The following NLRC3 variants were observed in gnomAD, a reference collection of about 807,000 sequenced individuals.
NLRC3 encodes NLR family CARD domain-containing protein 3.
NLRC3 carries 87 observed loss-of-function variants against 91.6 expected under a neutral mutation model. The observed-to-expected ratio is 0.95, with a 90% CI of 0.80 to 1.14. The LOEUF is 1.14. NLRC3 is among the 50% of genes most tolerant of loss of function. The probability of loss-of-function intolerance (pLI) is 0.00; values close to 1 mark genes in which losing one functional copy is unlikely to be tolerated. For synonymous variants in NLRC3, 694 were observed against 625.3 expected (o/e 1.11, Z -1.64); for missense variants, 1,577 against 1,418.6 (o/e 1.11, Z -1.79).
At chr16:3,570,589 A>G (rs1003588050) in intron 1 of NLRC3, among the ~76,000 whole-genome samples, 4 of 152,130 alleles carry the variant, frequency 2.6e-5, no homozygotes, top group African/African-American at 9.7e-5. Flanking sequence ...GGGGAGGAGG[A>G]GCAGAGGTGG....
At chr16:3,559,631 C>CT (rs1261738397) in intron 6 of NLRC3, among the ~76,000 whole-genome samples, 99 of 141,924 alleles carry the variant, frequency 7.0e-4, no homozygotes, top group South Asian at 1.8e-3. Context: ...TTTTACTTTT[C>CT]TTTTTTTTTT....
chr16:3,557,570 C>T lies in NLRC3; in HGVS notation c.2099+23G>A, dbSNP rs141529483. The T allele has an allele frequency of 4.1e-4, 632 of 1,527,768 alleles. 3 individuals are homozygous for T. The highest frequency in any genetic ancestry group is 3.9e-3 in the Middle Eastern group (23 of 5,880). The allele number at this position is 1,527,768 out of a possible 1,614,324, so 94.6% of individuals were successfully genotyped here. On this transcript the variant is annotated intron_variant, in intron 7 of 19. Coordinates refer to ENST00000359128, the MANE Select transcript of NLRC3 (RefSeq NM_178844.4). ...TCTTCTGGTTCCAATGGCAAAAGTT[C>T]GGCCTTGGTTGTCCTTACTTACTCC...
chr16:3,549,107 A>T (rs2038857559), intron 13 of NLRC3, 35 bp downstream of exon 13: 2 of 1,469,640 alleles, frequency 1.4e-6, no homozygotes, highest in Non-Finnish European at 1.9e-6. Flanking sequence ...TCATGGCATG[A>T]ACAGCCTGTG....
At position 3,548,236 on chromosome 16, in the gene NLRC3, C is replaced by A; in HGVS notation, c.2688-18G>T. The A allele has an allele frequency of 6.3e-7, 1 of 1,577,170 alleles. No individual in the cohort carries two copies. Among genetic ancestry groups the A allele is most frequent in the Non-Finnish European group, 8.6e-7 (1 of 1,160,316 alleles). ...ACTGCAGGCTGGGCAGACACAGACA[C>A]ATGTGACTATGTGACTATGTGACTA... On this transcript the variant is annotated intron_variant, in intron 14 of 19. Coordinates refer to ENST00000359128, the MANE Select transcript of NLRC3 (RefSeq NM_178844.4).
At chr16:3,574,822 C>T (rs1430903724) in intron 1 of NLRC3, among the ~76,000 whole-genome samples, 3 of 151,966 alleles carry the variant, frequency 2.0e-5, no homozygotes, top group Admixed American at 6.6e-5. Context: ...ATTAGCTGGG[C>T]GTGGTGGTGG....
At position 3,541,909 on chromosome 16, in the gene NLRC3, C is replaced by T; in HGVS notation, c.3114G>A (p.Gln1038=). Residue 1038 remains glutamine, a synonymous_variant, in exon 20 of 20, where the codon CAG becomes CAA. Coordinates refer to ENST00000359128, the MANE Select transcript of NLRC3 (RefSeq NM_178844.4). ...CCCCGGAGTCCCCAATGTGGTTTCC[C>T]TGGAGACTAGAAGAGTAGGGTTAAG... The part of the protein sequence containing the change: ...GNHRLQHINL[Q]GNHIGDSGAR... The T allele has an allele frequency of 6.2e-7, 1 of 1,603,542 alleles. No homozygotes were observed. Among genetic ancestry groups the T allele is most frequent in the Non-Finnish European group, 8.5e-7 (1 of 1,171,756 alleles).
intron 13 of NLRC3, among the ~76,000 whole-genome samples, 190 bp from the exon 14 acceptor site, chr16:3,548,943 A>G (rs2038846290): frequency 6.6e-6 from 1 of 152,210 alleles, no homozygotes; most frequent in Admixed American, 6.5e-5. Context: ...AGACGGCGTC[A>G]CACTAGCCTC....
rs1349567367 is a variant in NLRC3, at chr16:3,539,988, A to T, written c.*1837T>A. 1 of 152,238 alleles carries T rather than the reference A, an allele frequency of 6.6e-6. No individual in the cohort carries two copies. The highest frequency in any genetic ancestry group is 1.5e-5 in the Non-Finnish European group (1 of 68,046). 9.4% of individuals were successfully genotyped at this position (152,238 alleles called of 1,614,324 possible). On this transcript the variant is annotated 3_prime_UTR_variant, in exon 20 of 20. Coordinates refer to ENST00000359128, the MANE Select transcript of NLRC3 (RefSeq NM_178844.4). ...TTTTTCTAATTGTTCTTTCATGATT[A>T]GAATCAGGCAAACATTTTTTGACAA...
rs77192550 is a variant in NLRC3, at chr16:3,559,318, T to A, written c.2016-1642A>T. ...CTACAGAGAGAGGTAAAGAAGAGCA[T>A]GTGGCCAGAGAAGAGATTTTTGGCT... is the stretch of plus-strand genomic sequence containing the variant. On this transcript the variant is annotated intron_variant, in intron 6 of 19. Coordinates refer to ENST00000359128, the MANE Select transcript of NLRC3 (RefSeq NM_178844.4). 9.3e-3 allele frequency among the ~76,000 whole-genome samples: 1,417 copies of A among 152,326 alleles called. 27 individuals carry two copies. Among genetic ancestry groups the A allele is most frequent in the African/African-American group, 0.032 (1,324 of 41,566 alleles).
chr16:3,548,317 A>G, intron 14 of NLRC3, 99 bp from the exon 15 acceptor site: 1 of 889,670 alleles, frequency 1.1e-6, no homozygotes, highest in Non-Finnish European at 1.8e-6. Context: ...GAATCCCTGC[A>G]GGATGTGGCA....
Position 3,563,248 on chromosome 16 carries a change from C to A in NLRC3, c.1689G>T (p.Arg563=). The A allele has an allele frequency of 6.2e-7, 1 of 1,606,392 alleles. No homozygotes were observed. Among genetic ancestry groups the A allele is most frequent in the Non-Finnish European group, 8.5e-7 (1 of 1,178,408 alleles). Residue 563 remains arginine, a synonymous_variant, in exon 5 of 20, where the codon CGG becomes CGT. Coordinates refer to ENST00000359128, the MANE Select transcript of NLRC3 (RefSeq NM_178844.4). ...CLRPDAAVCA[R]AINVLHCLHE... ...GCAGGCAGTGCAACACGTTGATGGC[C>A]CGTGCACAGACTGCGGCATCGGGGC...
At position 3,573,448 on chromosome 16, in the gene NLRC3, C is replaced by A. The variant is rs1044449590; in HGVS notation, c.-169+3701G>T. ...TCTCACACACACACACAAAAGCTAG[C>A]AATTATCTAAACATTCAAAGGTATG... On this transcript the variant is annotated intron_variant, in intron 1 of 19. Coordinates refer to ENST00000359128, the MANE Select transcript of NLRC3 (RefSeq NM_178844.4). Among the ~76,000 whole-genome samples, 5 of 152,226 alleles carry A rather than the reference C, an allele frequency of 3.3e-5. No individual in the cohort carries two copies. The South Asian group carries it at 1.0e-3, about 32-fold the overall frequency.
In NLRC3 at chr16:3,549,704, T is replaced by G; in HGVS notation, c.2512A>C (p.Ser838Arg). The change falls in exon 12 of 20, where the codon AGC becomes CGC. Residue 838 changes from serine to arginine, a missense_variant. Transcript: ENST00000359128. ...AGGGTGGCCAGGACTTACCTGAGGC[T>G]GAGGAGGGTCTGGTTGGTGCAGAGG... The part of the protein sequence containing the change: ...GALCTNQTLL[S>R]LSLRENSISP... 7 of 1,550,736 alleles carry G rather than the reference T, an allele frequency of 4.5e-6. No homozygotes were observed. The highest frequency in any genetic ancestry group is 6.1e-6 in the Non-Finnish European group (7 of 1,146,258).
At chr16:3,542,636 A>G in intron 18 of NLRC3, 56 bp downstream of exon 18, 1 of 1,010,582 alleles carries the variant, frequency 9.9e-7, no homozygotes. Context: ...ATCAGGGAGG[A>G]CCCAGCAGAG....
chr16:3,577,360 CCTT>C lies in NLRC3; in HGVS notation c.-383_-381del, dbSNP rs2040346836. The C allele has an allele frequency of 1.7e-6, 1 of 587,312 alleles. No individual in the cohort carries two copies. Among genetic ancestry groups the C allele is most frequent in the Admixed American group, 3.0e-5 (1 of 33,396 alleles). The allele number at this position is 587,312 out of a possible 1,614,324, so 36.4% of individuals were successfully genotyped here. On this transcript the variant is annotated 5_prime_UTR_variant, in exon 1 of 20. Transcript: ENST00000359128. ...GGGGCCGAGAGCAGTGCAGCCCCGA[CCTT>C]CTGCAGCCCCACCGAGCCCACCGGC...
intron 1 of NLRC3, among the ~76,000 whole-genome samples, chr16:3,572,331 A>C (rs2040127087): frequency 6.6e-6 from 1 of 151,574 alleles, no homozygotes; most frequent in Non-Finnish European, 1.5e-5. Context: ...ACAGGATCTC[A>C]CTGTGTCACC....
intron 17 of NLRC3, 87 bp from the exon 18 acceptor site, chr16:3,542,862 G>T: frequency 1.2e-6 from 1 of 854,494 alleles, no homozygotes; most frequent in African/African-American, 1.7e-5. Flanking sequence ...GGGCTGCTTG[G>T]TAGAGGAAAC....
In NLRC3 at chr16:3,541,912, G is replaced by A; in HGVS notation, c.3111C>T (p.Leu1037=). 6.3e-7 allele frequency: 1 copy of A among 1,592,950 alleles called. No homozygotes were observed. Among genetic ancestry groups the A allele is most frequent in the Non-Finnish European group, 8.6e-7 (1 of 1,162,562 alleles). ...CGGAGTCCCCAATGTGGTTTCCCTG[G>A]AGACTAGAAGAGTAGGGTTAAGGCA... ...SGNHRLQHIN[L]QGNHIGDSGA... Residue 1037 remains leucine, a synonymous_variant, in exon 20 of 20, where the codon CTC becomes CTT. Transcript: ENST00000359128.
At chr16:3,545,694 A>G (rs993356171) in intron 15 of NLRC3, 2 of 152,214 alleles carry the variant, frequency 1.3e-5, no homozygotes, top group Non-Finnish European at 2.9e-5. Context: ...CCAGGGTGTC[A>G]ACAGAAGGCT....
Sources: gnomAD v4.1 joint callset for allele counts (sites outside exome capture counted in the v4.1 genomes callset) on GRCh38, gnomAD v4.1.1 for gene constraint, MANE v1.5 for transcripts, NCBI Gene and HGNC (gene_info 2026-07-23, HGNC 2026-07-21) for gene names.